The following SCUBE1 variants were observed in gnomAD, a reference collection of about 807,000 sequenced individuals.
SCUBE1 encodes the protein signal peptide, CUB domain and EGF like domain containing 1.
Under a neutral mutation model 124.4 loss-of-function variants are expected in SCUBE1, and 59 were observed. The observed-to-expected ratio is 0.47, with a 90% CI of 0.38 to 0.59. SCUBE1 has a LOEUF of 0.59. SCUBE1 is among the 20% of genes least tolerant of loss of function. The pLI is 0.00. For missense variants in SCUBE1, 1,150 were observed against 1,371.2 expected (o/e 0.84, Z 2.55); for synonymous variants, 545 against 550.9 (o/e 0.99, Z 0.15).
At position 43,210,196 on chromosome 22, in the gene SCUBE1, C is replaced by T. The variant is rs757682499; in HGVS notation, c.2428G>A (p.Glu810Lys). Reference protein sequence around the residue: ...GELGDYTGYIESPNYPGDYPA... With the variant: ...GELGDYTGYIKSPNYPGDYPA... ...TAGTCGCCAGGGTAGTTGGGGGACT[C>T]GATGTAGCCGGTGTAGTCACCAAGC... Residue 810 changes from glutamate to lysine, a missense_variant, in exon 19 of 22, where the codon GAG (glutamate) becomes AAG (lysine). Around this residue, in one of 3 missense-constraint regions of SCUBE1, gnomAD observed 757 missense variants for 840.9 expected, o/e 0.90. Transcript: ENST00000360835. This position sits in a 1 kb window ranked among gnomAD's most constrained non-coding sequence, Gnocchi z 4.5. The T allele has an allele frequency of 4.0e-5, 63 of 1,593,696 alleles. No homozygotes were observed. Among genetic ancestry groups the T allele is most frequent in the Admixed American group, 3.9e-4 (23 of 59,046 alleles).
Position 43,231,707 on chromosome 22 carries a change from G to A in SCUBE1, c.967+46C>T, listed in dbSNP as rs764977251. On this transcript the variant is annotated intron_variant, in intron 8 of 21. Coordinates refer to ENST00000360835, the MANE Select transcript of SCUBE1 (RefSeq NM_173050.5). ...GTCAGCCCAGGAGGGGAAGGGGCAC[G>A]ATCCCGCTGGGCCCGAGAGCCACCC... 7.2e-6 allele frequency: 11 copies of A among 1,532,650 alleles called. No homozygotes were observed. The African/African-American group carries it at 9.6e-5, about 13-fold the overall frequency. The allele number at this position is 1,532,650 out of a possible 1,614,324, so 94.9% of individuals were successfully genotyped here. A position where few individuals can be genotyped will look rare whatever the true frequency, so the allele number is the denominator to read the frequency against.
At chr22:43,256,620 TA>T (rs1342807442) in intron 6 of SCUBE1, among the ~76,000 whole-genome samples, 1 of 151,932 alleles carries the variant, frequency 6.6e-6, no homozygotes, top group Non-Finnish European at 1.5e-5. Context: ...CATCAAAAAA[TA>T]AAAAAGCAAG....
chr22:43,216,204 A>C (rs1207292979), intron 15 of SCUBE1, among the ~76,000 whole-genome samples: 2 of 151,238 alleles, frequency 1.3e-5, no homozygotes, highest in Non-Finnish European at 3.0e-5. Context: ...TCGCCACCAC[A>C]CCCAGCTAAT....
At chr22:43,325,239 G>A (rs1199877460) in intron 2 of SCUBE1, among the ~76,000 whole-genome samples, 2 of 151,878 alleles carry the variant, frequency 1.3e-5, no homozygotes, top group Non-Finnish European at 2.9e-5. Context: ...CCCGCATTTG[G>A]AGCCACATCC....
At chr22:43,338,467 G>C (rs1041551056) in intron 2 of SCUBE1, among the ~76,000 whole-genome samples, 1 of 152,190 alleles carries the variant, frequency 6.6e-6, no homozygotes, top group African/African-American at 2.4e-5. Flanking sequence ...CCCCCATATA[G>C]CCAGTCAAGG....
chr22:43,214,047 G>GGGGGCC, intron 16 of SCUBE1, 43 bp downstream of exon 16: 3 of 143,438 alleles, frequency 2.1e-5, no homozygotes, highest in East Asian at 2.8e-4. Flanking sequence ...AGGAGCCCCC[G>GGGGGCC]CCCACCCCCC....
intron 2 of SCUBE1, among the ~76,000 whole-genome samples, chr22:43,322,454 G>A (rs1230527433): frequency 6.6e-6 from 1 of 152,112 alleles, no homozygotes; most frequent in Non-Finnish European, 1.5e-5. Flanking sequence ...CAGTTACCTG[G>A]GGTTCCTCAT....
chr22:43,284,168 C>T (rs781628147), intron 4 of SCUBE1, among the ~76,000 whole-genome samples: 3 of 152,342 alleles, frequency 2.0e-5, no homozygotes, highest in South Asian at 2.1e-4. Flanking sequence ...GAAAGAAAAG[C>T]GTTTGCTTTT....
chr22:43,232,097 CAA>C lies in SCUBE1; in HGVS notation c.845-224_845-223del, dbSNP rs1225742888. 7.2e-6 allele frequency: 4 copies of C among 558,154 alleles called. No individual in the cohort carries two copies. In the East Asian group the frequency reaches 1.2e-4, roughly 16 times the overall value. 34.6% of individuals were successfully genotyped at this position (558,154 alleles called of 1,614,324 possible). On this transcript the variant is annotated intron_variant, in intron 7 of 21. Coordinates refer to ENST00000360835, the MANE Select transcript of SCUBE1 (RefSeq NM_173050.5). Reference sequence around the variant, plus strand: ...GTTGTACTGGGAAGGGCCAGCTCCCCAAGCTTCACCACTTCCCCTGAGACTTG... The same window carrying C: ...GTTGTACTGGGAAGGGCCAGCTCCCCGCTTCACCACTTCCCCTGAGACTTG...
At position 43,320,141 on chromosome 22, in the gene SCUBE1, G is replaced by A. The variant is rs140539162; in HGVS notation, c.221-76C>T. On this transcript the variant is annotated intron_variant, in intron 2 of 21. Coordinates refer to ENST00000360835, the MANE Select transcript of SCUBE1 (RefSeq NM_173050.5). ...CTCTCCCAACACCATGGAAGCCACC[G>A]GGATCTGAGTGATTAGGGGATGATT... 27 of 1,565,458 alleles carry A rather than the reference G, an allele frequency of 1.7e-5. No individual in the cohort carries two copies. The East Asian group carries it at 2.7e-4, about 16-fold the overall frequency.
chr22:43,324,746 G>A (rs534519622), intron 2 of SCUBE1, among the ~76,000 whole-genome samples: 4 of 151,932 alleles, frequency 2.6e-5, no homozygotes, highest in Admixed American at 2.6e-4. Flanking sequence ...GCCAGAGAAC[G>A]AGAAACAGGC....
chr22:43,268,507 T>A (rs1244709081), intron 4 of SCUBE1, among the ~76,000 whole-genome samples: 1 of 152,134 alleles, frequency 6.6e-6, no homozygotes, highest in African/African-American at 2.4e-5. Flanking sequence ...TGCTACAAAC[T>A]CAGACCAAGT....
intron 4 of SCUBE1, among the ~76,000 whole-genome samples, chr22:43,289,939 AG>A (rs1925293621): frequency 6.6e-6 from 1 of 152,150 alleles, no homozygotes; most frequent in African/African-American, 2.4e-5. Flanking sequence ...CGACCTTCCC[AG>A]GAACGCCCTC....
At chr22:43,287,140 G>C (rs1170893403) in intron 4 of SCUBE1, among the ~76,000 whole-genome samples, 1 of 152,184 alleles carries the variant, frequency 6.6e-6, no homozygotes. Flanking sequence ...GTGCTATCAT[G>C]GGGCCAGAAG....
At chr22:43,284,755 A>ATCATCGTCG (rs1555886373) in intron 4 of SCUBE1, among the ~76,000 whole-genome samples, 3 of 149,306 alleles carry the variant, frequency 2.0e-5, no homozygotes, top group Admixed American at 2.0e-4. Context: ...TGCAATCATC[A>ATCATCGTCG]TCGTCATCGT....
At chr22:43,293,512 G>A (rs1925449242) in intron 3 of SCUBE1, among the ~76,000 whole-genome samples, 1 of 152,258 alleles carries the variant, frequency 6.6e-6, no homozygotes, top group African/African-American at 2.4e-5. Flanking sequence ...CACACGAGCT[G>A]GAGTCCAGTG....
chr22:43,252,782 G>A (rs537862495), intron 6 of SCUBE1, among the ~76,000 whole-genome samples: 1 of 152,122 alleles, frequency 6.6e-6, no homozygotes, highest in South Asian at 2.1e-4. Context: ...TGATGCCCTG[G>A]TGCACCTGAC....
intron 3 of SCUBE1, among the ~76,000 whole-genome samples, chr22:43,312,528 G>C (rs572033805): frequency 1.1e-4 from 17 of 152,204 alleles, no homozygotes; most frequent in Admixed American, 7.8e-4. Context: ...GGGGTCTCAA[G>C]CTACTGTGGA....
At chr22:43,273,590 CAG>C (rs1434613915) in intron 4 of SCUBE1, among the ~76,000 whole-genome samples, 4 of 28,138 alleles carry the variant, frequency 1.4e-4, no homozygotes, top group Admixed American at 1.2e-3. Context: ...TTTTTTGAGA[CAG>C]AGTCTCACTC....
Sources: allele counts gnomAD v4.1 joint callset (sites outside exome capture counted in the v4.1 genomes callset), GRCh38; gene constraint gnomAD v4.1.1; regional missense constraint gnomAD v4.1.1; non-coding constraint Gnocchi (gnomAD v3.1); transcripts MANE v1.5; gene names NCBI Gene and HGNC (gene_info 2026-07-23, HGNC 2026-07-21).